Variants in ATXN1 observed in about 807,000 individuals in gnomAD.
ATXN1 encodes ataxin-1.
Under a neutral mutation model 56.4 loss-of-function variants are expected in ATXN1, and 8 were observed. That is an observed-to-expected ratio of 0.14 (90% CI 0.08 to 0.26). The LOEUF (loss-of-function observed/expected upper bound fraction) is 0.26. Ranked by LOEUF, ATXN1 falls within the 10% of genes least tolerant of loss-of-function variation. ATXN1 has a pLI of 1.00. For synonymous variants in ATXN1, 514 were observed against 494.6 expected (o/e 1.04, Z -0.52); for missense variants, 987 against 1,106.5 (o/e 0.89, Z 1.53).
intron 7 of ATXN1, among the ~76,000 whole-genome samples, chr6:16,313,558 A>ATTT (rs527792987): frequency 7.0e-6 from 1 of 143,598 alleles, no homozygotes; most frequent in Non-Finnish European, 1.5e-5. Flanking sequence ...CGTTAATGGA[A>ATTT]TTTTTTTTTT....
chr6:16,686,212 C>A (rs2113409087), intron 2 of ATXN1, among the ~76,000 whole-genome samples: 1 of 152,174 alleles, frequency 6.6e-6, no homozygotes, highest in African/African-American at 2.4e-5. Context: ...ATAGTCATCC[C>A]AAAACATACA....
At chr6:16,357,521 C>T (rs1276732665) in intron 6 of ATXN1, among the ~76,000 whole-genome samples, 1 of 152,136 alleles carries the variant, frequency 6.6e-6, no homozygotes, top group African/African-American at 2.4e-5. Context: ...CCACCCACAT[C>T]GGCCTCCCAA....
intron 2 of ATXN1, among the ~76,000 whole-genome samples, chr6:16,722,365 G>A (rs1343667746): frequency 6.6e-6 from 1 of 152,184 alleles, no homozygotes; most frequent in Non-Finnish European, 1.5e-5. Context: ...ACTGAAATGT[G>A]ATTTTCTGCT....
At chr6:16,375,795 G>C (rs1358615041) in intron 6 of ATXN1, among the ~76,000 whole-genome samples, 1 of 152,166 alleles carries the variant, frequency 6.6e-6, no homozygotes, top group Admixed American at 6.5e-5. Flanking sequence ...ATTTGCTTTG[G>C]AAAATATACT....
intron 3 of ATXN1, among the ~76,000 whole-genome samples, chr6:16,620,363 A>G (rs1763298193): frequency 6.6e-6 from 1 of 151,782 alleles, no homozygotes; most frequent in Admixed American, 6.6e-5. Context: ...CTAGCATTCA[A>G]TTCTCCAGAT....
chr6:16,670,909 A>C (rs1758527121), intron 2 of ATXN1, among the ~76,000 whole-genome samples: 1 of 152,194 alleles, frequency 6.6e-6, no homozygotes, highest in Admixed American at 6.5e-5. Context: ...CCAACAACTC[A>C]ATTTTATATT....
intron 6 of ATXN1, among the ~76,000 whole-genome samples, chr6:16,329,420 A>G (rs960340306): frequency 1.3e-5 from 2 of 152,054 alleles, no homozygotes; most frequent in African/African-American, 2.4e-5. Context: ...AAACACACAC[A>G]CACACGCCAA....
At chr6:16,686,503 C>CACAGTTTTATGTGG (rs6149447) in intron 2 of ATXN1, among the ~76,000 whole-genome samples, 2 of 151,924 alleles carry the variant, frequency 1.3e-5, no homozygotes, top group Non-Finnish European at 2.9e-5. Context: ...GCATGCAACA[C>CACAGTTTTATGTGG]ATTATGCCGA....
chr6:16,408,529 A>G (rs1405362675), intron 6 of ATXN1, among the ~76,000 whole-genome samples: 1 of 152,088 alleles, frequency 6.6e-6, no homozygotes, highest in Non-Finnish European at 1.5e-5. Context: ...AAAAAAAAAA[A>G]AAGTTAACAG....
intron 6 of ATXN1, among the ~76,000 whole-genome samples, chr6:16,484,959 G>A (rs1308409612): frequency 4.3e-5 from 5 of 114,986 alleles, no homozygotes; most frequent in Non-Finnish European, 5.8e-5. Context: ...GTGTGTGTGT[G>A]TGTGTGTGTG....
chr6:16,731,452 TTC>T (rs1759977761), intron 2 of ATXN1, among the ~76,000 whole-genome samples: 1 of 124,630 alleles, frequency 8.0e-6, no homozygotes, highest in Non-Finnish European at 1.6e-5. Context: ...TTTTTTTCTT[TTC>T]TTTTTTTTTT....
At chr6:16,394,448 A>G (rs1758414196) in intron 6 of ATXN1, among the ~76,000 whole-genome samples, 1 of 152,140 alleles carries the variant, frequency 6.6e-6, no homozygotes, top group Non-Finnish European at 1.5e-5. Context: ...ATAATTTCTT[A>G]TATTTATGGG....
At chr6:16,341,524 T>C (rs943664417) in intron 6 of ATXN1, among the ~76,000 whole-genome samples, 1 of 149,384 alleles carries the variant, frequency 6.7e-6, no homozygotes, top group African/African-American at 2.5e-5. Flanking sequence ...ATTTTTTTTT[T>C]TTTTTTTTTT....
At chr6:16,455,968 G>A (rs1464819881) in intron 6 of ATXN1, among the ~76,000 whole-genome samples, 1 of 152,118 alleles carries the variant, frequency 6.6e-6, no homozygotes, top group Non-Finnish European at 1.5e-5. Context: ...TCGCAGGGAG[G>A]ATTGAAAAAA....
At position 16,710,444 on chromosome 6, in the gene ATXN1, T is replaced by C. The variant is rs1196906760; in HGVS notation, c.-615+42789A>G. Reference sequence around the variant, plus strand: ...CTTTTTTGGGGGGTAGGGGGATTTATATGGAACTCTGAAGGAGATAGAACA... The same window carrying C: ...CTTTTTTGGGGGGTAGGGGGATTTACATGGAACTCTGAAGGAGATAGAACA... On this transcript the variant is annotated intron_variant, in intron 2 of 7. Coordinates refer to ENST00000436367, the MANE Select transcript of ATXN1 (RefSeq NM_001128164.2). Among the ~76,000 whole-genome samples the C allele has an allele frequency of 2.6e-5, 4 of 152,148 alleles. No homozygotes were observed. In the East Asian group the frequency reaches 7.7e-4, roughly 29 times the overall value.
intron 1 of ATXN1, among the ~76,000 whole-genome samples, chr6:16,758,567 A>C (rs1760958012): frequency 6.6e-6 from 1 of 152,236 alleles, no homozygotes; most frequent in Non-Finnish European, 1.5e-5. Context: ...CAATTGAAAT[A>C]GTGGAGTCTC....
At chr6:16,308,368 A>ACACACACACACACACT (rs1491275467) in intron 7 of ATXN1, among the ~76,000 whole-genome samples, 2 of 139,710 alleles carry the variant, frequency 1.4e-5, no homozygotes, top group East Asian at 4.0e-4. Flanking sequence ...ACACACACAC[A>ACACACACACACACACT]CTTCCTGGGT....
At chr6:16,636,426 A>G (rs907265613) in intron 3 of ATXN1, among the ~76,000 whole-genome samples, 19 of 152,170 alleles carry the variant, frequency 1.2e-4, no homozygotes, top group African/African-American at 4.6e-4. Context: ...CTGCTGAGTC[A>G]TCAGGATGAG....
At chr6:16,724,324 C>G (rs707850) in intron 2 of ATXN1, among the ~76,000 whole-genome samples, 16 of 151,676 alleles carry the variant, frequency 1.1e-4, no homozygotes, top group African/African-American at 3.7e-4. Context: ...TTTTGATGAG[C>G]AGGAATTCCA....
Sources: gnomAD v4.1 joint callset for allele counts (sites outside exome capture counted in the v4.1 genomes callset) on GRCh38, gnomAD v4.1.1 for gene constraint, MANE v1.5 for transcripts, NCBI Gene and HGNC (gene_info 2026-07-23, HGNC 2026-07-21) for gene names.